BRINP2: variants seen among roughly 807,000 people sequenced by gnomAD.
The protein encoded by BRINP2 is BMP/retinoic acid-inducible neural-specific protein 2.
In BRINP2, 21 loss-of-function variants were observed where a neutral mutation model predicts 69.2. The observed-to-expected ratio is 0.30, with a 90% CI of 0.22 to 0.44. BRINP2 has a LOEUF of 0.44. BRINP2 is among the 20% of genes least tolerant of loss of function. The probability of loss-of-function intolerance (pLI) is 1.00; values close to 1 mark genes in which losing one functional copy is unlikely to be tolerated. For missense variants in BRINP2, 877 were observed against 986.0 expected (o/e 0.89, Z 1.48); for synonymous variants, 380 against 394.1 (o/e 0.96, Z 0.42).
chr1:177,239,654 T>C (rs1403397510), intron 2 of BRINP2, among the ~76,000 whole-genome samples: 1 of 152,188 alleles, frequency 6.6e-6, no homozygotes, highest in Non-Finnish European at 1.5e-5. Flanking sequence ...CTTTGTAAAT[T>C]TGAATTTTCT....
intron 2 of BRINP2, among the ~76,000 whole-genome samples, chr1:177,248,443 G>T (rs1650458552): frequency 6.6e-6 from 1 of 151,240 alleles, no homozygotes; most frequent in African/African-American, 2.4e-5. Context: ...GTTTGTGTGT[G>T]TGTGTGTGTG....
Position 177,186,448 on chromosome 1 carries a change from C to T in BRINP2, c.-77+14716C>T, listed in dbSNP as rs188891400. Among the ~76,000 whole-genome samples the T allele has an allele frequency of 2.6e-4, 40 of 152,146 alleles. No individual in the cohort carries two copies. In the East Asian group the frequency reaches 7.4e-3, roughly 28 times the overall value. On this transcript the variant is annotated intron_variant, in intron 1 of 7. Coordinates refer to ENST00000361539, the MANE Select transcript of BRINP2 (RefSeq NM_021165.4). Reference sequence around the variant, plus strand: ...CAATTACTTTTGCACCAACCTAAAACGTTGTAAGCCATATATATACATATG... The same window carrying T: ...CAATTACTTTTGCACCAACCTAAAATGTTGTAAGCCATATATATACATATG...
chr1:177,226,283 GA>G (rs561341869), intron 1 of BRINP2, among the ~76,000 whole-genome samples: 263 of 152,330 alleles, frequency 1.7e-3, no homozygotes, highest in African/African-American at 6.0e-3. Flanking sequence ...GAAATGCATG[GA>G]ATTGATTCAT....
At chr1:177,176,717 T>G (rs556548090) in intron 1 of BRINP2, among the ~76,000 whole-genome samples, 1 of 152,058 alleles carries the variant, frequency 6.6e-6, no homozygotes, top group South Asian at 2.1e-4. Flanking sequence ...ATTTCTAAAA[T>G]TTCAATTCAA....
Position 177,277,660 on chromosome 1 carries a change from C to T in BRINP2, c.1013-903C>T, listed in dbSNP as rs773683630. Among the ~76,000 whole-genome samples, 7 of 152,066 alleles carry T rather than the reference C, an allele frequency of 4.6e-5. 1 individual carries two copies. Among genetic ancestry groups the T allele is most frequent in the Admixed American group, 1.3e-4 (2 of 15,264 alleles). On this transcript the variant is annotated intron_variant, in intron 6 of 7. Coordinates refer to ENST00000361539, the MANE Select transcript of BRINP2 (RefSeq NM_021165.4). ...CATTTTAAGTCCTGGACAAGGCATT[C>T]GGTAGCGAAGGAGAATATCACATTC... is the stretch of plus-strand genomic sequence containing the variant.
intron 2 of BRINP2, among the ~76,000 whole-genome samples, chr1:177,251,252 A>G (rs1650572585): frequency 6.6e-6 from 1 of 152,202 alleles, no homozygotes; most frequent in Admixed American, 6.5e-5. Flanking sequence ...GGCTTAATCC[A>G]GGAACATTTT....
chr1:177,180,874 C>T (rs1240059598), intron 1 of BRINP2, among the ~76,000 whole-genome samples: 4 of 152,216 alleles, frequency 2.6e-5, no homozygotes, highest in Admixed American at 6.5e-5. Context: ...CCAGACACAT[C>T]TGCGAAGTTC....
At chr1:177,273,330 A>G (rs1422546732) in intron 4 of BRINP2, among the ~76,000 whole-genome samples, 158 bp from the exon 5 acceptor site, 1 of 152,204 alleles carries the variant, frequency 6.6e-6, no homozygotes, top group Non-Finnish European at 1.5e-5. Context: ...CAAGGAAGAA[A>G]GTGACTTTAT....
rs184315105 is a variant in BRINP2, at chr1:177,268,262, A to G, written c.670-5226A>G. 1.0e-3 allele frequency among the ~76,000 whole-genome samples: 152 copies of G among 152,344 alleles called. 1 individual carries two copies. The highest frequency in any genetic ancestry group is 3.2e-3 in the African/African-American group (134 of 41,574). On this transcript the variant is annotated intron_variant, in intron 4 of 7. Coordinates refer to ENST00000361539, the MANE Select transcript of BRINP2 (RefSeq NM_021165.4). ...TTTAGTACTTACAGATCCATACAGC[A>G]AAGGCCAATAGCCTGGATATACACA... is the stretch of plus-strand genomic sequence containing the variant.
chr1:177,234,827 A>G (rs1012487566), intron 2 of BRINP2, among the ~76,000 whole-genome samples: 10 of 152,222 alleles, frequency 6.6e-5, no homozygotes, highest in Admixed American at 4.6e-4. Context: ...ACTAAAAGGG[A>G]CATCATAGTC....
chr1:177,197,415 T>G (rs1430813632), intron 1 of BRINP2, among the ~76,000 whole-genome samples: 1 of 151,936 alleles, frequency 6.6e-6, no homozygotes, highest in Non-Finnish European at 1.5e-5. Context: ...CCTCCAAGAT[T>G]GGGGATTACA....
intron 1 of BRINP2, among the ~76,000 whole-genome samples, chr1:177,175,827 C>A (rs900516202): frequency 1.3e-5 from 2 of 152,200 alleles, no homozygotes; most frequent in Non-Finnish European, 2.9e-5. Context: ...GACTGTGCAG[C>A]TGGACTGTGA....
At chr1:177,245,399 C>T (rs1650342787) in intron 2 of BRINP2, among the ~76,000 whole-genome samples, 1 of 152,092 alleles carries the variant, frequency 6.6e-6, no homozygotes, top group Non-Finnish European at 1.5e-5. Context: ...ATTAAATGCA[C>T]CAAAATACCA....
intron 1 of BRINP2, among the ~76,000 whole-genome samples, chr1:177,205,845 T>G (rs1321116126): frequency 6.6e-6 from 1 of 152,210 alleles, no homozygotes; most frequent in Non-Finnish European, 1.5e-5. Flanking sequence ...ACAGCTAGGC[T>G]TCAAGATGGC....
At chr1:177,245,930 A>T (rs1041909813) in intron 2 of BRINP2, among the ~76,000 whole-genome samples, 2 of 152,152 alleles carry the variant, frequency 1.3e-5, no homozygotes, top group African/African-American at 4.8e-5. Context: ...TGAAAGCTGC[A>T]GCTTGATTTT....
chr1:177,232,899 A>G (rs1002166026), intron 2 of BRINP2, among the ~76,000 whole-genome samples: 5 of 152,170 alleles, frequency 3.3e-5, no homozygotes, highest in African/African-American at 1.2e-4. Flanking sequence ...TGGAAATCAG[A>G]TAGTAGCCAC....
intron 1 of BRINP2, among the ~76,000 whole-genome samples, chr1:177,183,898 A>G (rs973324279): frequency 5.9e-5 from 9 of 152,230 alleles, no homozygotes; most frequent in African/African-American, 2.2e-4. Context: ...ACTGCTAGAT[A>G]GGGAAAAGAG....
intron 2 of BRINP2, among the ~76,000 whole-genome samples, chr1:177,254,459 TA>T (rs1650689036): frequency 1.3e-5 from 2 of 152,090 alleles, no homozygotes; most frequent in Admixed American, 6.5e-5. Flanking sequence ...TTACTTTTAT[TA>T]AATCCTGACC....
chr1:177,281,333 G>A lies in BRINP2; in HGVS notation c.2157G>A (p.Gln719=). The A allele has an allele frequency of 6.2e-7, 1 of 1,614,196 alleles. No individual in the cohort carries two copies. The highest frequency in any genetic ancestry group is 1.7e-5 in the Admixed American group (1 of 60,024). The change falls in exon 8 of 8, where the codon CAG becomes CAA. Residue 719 remains glutamine (Q), a synonymous_variant. Coordinates refer to ENST00000361539, the MANE Select transcript of BRINP2 (RefSeq NM_021165.4). ...GTTCCCAGGACTCTGCACTCTTGCA[G>A]CTCATTGAGCTCAGGGACCGGGTGA... ...TQGSQDSALL[Q]LIELRDRVNQ... is the part of the protein sequence containing the mutation.
Sources: allele counts gnomAD v4.1 joint callset (sites outside exome capture counted in the v4.1 genomes callset), GRCh38; gene constraint gnomAD v4.1.1; transcripts MANE v1.5; gene names NCBI Gene and HGNC (gene_info 2026-07-23, HGNC 2026-07-21).